The following EXOC6B variants were observed in gnomAD, a reference collection of about 807,000 sequenced individuals.
EXOC6B encodes the protein exocyst complex component 6B, also known as SEC15 homolog B.
A neutral mutation model predicts 113.5 loss-of-function variants in EXOC6B; 54 were observed. That is an observed-to-expected ratio of 0.48 (90% CI 0.38 to 0.60). The LOEUF is 0.60. Ranked by LOEUF, EXOC6B falls within the 20% of genes least tolerant of loss-of-function variation. EXOC6B has a pLI of 0.00. For synonymous variants in EXOC6B, 357 were observed against 339.0 expected (o/e 1.05, Z -0.58); for missense variants, 797 against 977.5 (o/e 0.82, Z 2.46).
intron 1 of EXOC6B, among the ~76,000 whole-genome samples, chr2:72,741,680 T>C (rs1201860483): frequency 1.3e-5 from 2 of 152,234 alleles, no homozygotes; most frequent in African/African-American, 4.8e-5. Flanking sequence ...CTGACAGTAT[T>C]TGTCACAAAA....
intron 19 of EXOC6B, among the ~76,000 whole-genome samples, chr2:72,360,478 TA>T (rs35612810): frequency 0.11 from 17,345 of 152,160 alleles, 1,048 homozygotes; most frequent in African/African-American, 0.16. Flanking sequence ...ATAATTAAGG[TA>T]TTATCTTAAG....
chr2:72,574,009 G>T (rs924242314), intron 7 of EXOC6B, among the ~76,000 whole-genome samples: 7 of 151,780 alleles, frequency 4.6e-5, no homozygotes, highest in African/African-American at 1.7e-4. Context: ...CCAGTTTCTG[G>T]GTAGGCTGAG....
intron 6 of EXOC6B, among the ~76,000 whole-genome samples, chr2:72,632,808 A>G (rs1055934393): frequency 5.3e-5 from 8 of 152,226 alleles, no homozygotes; most frequent in African/African-American, 1.9e-4. Flanking sequence ...CAGCCTCCCA[A>G]ATAGCTGGGA....
At chr2:72,735,162 G>T (rs554220280) in intron 2 of EXOC6B, among the ~76,000 whole-genome samples, 1 of 152,210 alleles carries the variant, frequency 6.6e-6, no homozygotes, top group South Asian at 2.1e-4. Flanking sequence ...TAAACTGGAG[G>T]TCTCCTAAAA....
intron 20 of EXOC6B, among the ~76,000 whole-genome samples, chr2:72,234,889 CA>C (rs918904813): frequency 3.4e-5 from 5 of 148,872 alleles, no homozygotes; most frequent in Non-Finnish European, 7.5e-5. Context: ...AAGTAAAAAA[CA>C]AAAAAAAACA....
chr2:72,207,890 T>G (rs1421665413), intron 20 of EXOC6B, among the ~76,000 whole-genome samples: 1 of 152,156 alleles, frequency 6.6e-6, no homozygotes, highest in East Asian at 1.9e-4. Context: ...TGGAACACCT[T>G]AGAAGGAGAG....
intron 6 of EXOC6B, among the ~76,000 whole-genome samples, chr2:72,623,418 G>A (rs1269571089): frequency 1.3e-5 from 2 of 152,142 alleles, no homozygotes; most frequent in Non-Finnish European, 1.5e-5. Context: ...AATGCTATAT[G>A]AGTAAGTACA....
intron 18 of EXOC6B, among the ~76,000 whole-genome samples, chr2:72,440,581 G>A (rs1327203397): frequency 6.6e-6 from 1 of 152,108 alleles, no homozygotes; most frequent in Non-Finnish European, 1.5e-5. Flanking sequence ...AAAATACACT[G>A]AAGTACACAG....
At chr2:72,271,619 A>G (rs1020140293) in intron 20 of EXOC6B, among the ~76,000 whole-genome samples, 3 of 152,098 alleles carry the variant, frequency 2.0e-5, no homozygotes, top group Non-Finnish European at 4.4e-5. Context: ...TTAGGGAAAA[A>G]AAAAACCCTT....
intron 11 of EXOC6B, among the ~76,000 whole-genome samples, chr2:72,511,309 G>A (rs112144203): frequency 0.031 from 4,643 of 151,956 alleles, 259 homozygotes; most frequent in African/African-American, 0.1. Flanking sequence ...TCATCTCCCC[G>A]CTCCAAACTA....
intron 18 of EXOC6B, among the ~76,000 whole-genome samples, chr2:72,458,085 C>T (rs115293567): frequency 2.1e-3 from 318 of 152,188 alleles, no homozygotes; most frequent in African/African-American, 7.2e-3. Context: ...GAGAACAAGA[C>T]AGAATTTGCC....
At chr2:72,401,667 GTATATATA>G (rs1244443202) in intron 18 of EXOC6B, among the ~76,000 whole-genome samples, 2 of 24,086 alleles carry the variant, frequency 8.3e-5, no homozygotes, top group African/African-American at 6.2e-4. Context: ...ATATATATAT[GTATATATA>G]TATATATATA....
Position 72,500,772 on chromosome 2 carries a change from G to C in EXOC6B, c.1168-800C>G, listed in dbSNP as rs115332898. On this transcript the variant is annotated intron_variant, in intron 11 of 21. Transcript: ENST00000272427. ...ATTATTGTAAAAATTCATTGATTTTGAGATTCAAATTCTTTAATTATAATT... is the reference window on the plus strand; with the variant it reads ...ATTATTGTAAAAATTCATTGATTTTCAGATTCAAATTCTTTAATTATAATT... 5.3e-3 allele frequency among the ~76,000 whole-genome samples: 808 copies of C among 152,202 alleles called. 12 individuals are homozygous for C. The highest frequency in any genetic ancestry group is 0.018 in the African/African-American group (762 of 41,560).
intron 6 of EXOC6B, among the ~76,000 whole-genome samples, chr2:72,716,506 T>C (rs994054073): frequency 2.6e-5 from 4 of 152,194 alleles, no homozygotes; most frequent in African/African-American, 9.6e-5. Context: ...AAATATTTTA[T>C]AGGAGAAATG....
intron 18 of EXOC6B, among the ~76,000 whole-genome samples, chr2:72,382,127 A>G (rs900872279): frequency 1.3e-4 from 20 of 152,204 alleles, no homozygotes; most frequent in African/African-American, 4.8e-4. Flanking sequence ...GAAAAGTCAC[A>G]TCATAAAAGA....
intron 6 of EXOC6B, among the ~76,000 whole-genome samples, chr2:72,591,464 A>G (rs886708458): frequency 2.0e-5 from 3 of 152,160 alleles, no homozygotes; most frequent in Admixed American, 6.5e-5. Context: ...AAACAATATT[A>G]CCAAAAGCAG....
At chr2:72,775,378 C>T in intron 1 of EXOC6B, among the ~76,000 whole-genome samples, 1 of 152,160 alleles carries the variant, frequency 6.6e-6, no homozygotes, top group Non-Finnish European at 1.5e-5. Context: ...TTGAAAGGAG[C>T]TTCTTATGAA....
At chr2:72,286,950 A>ATGC (rs1685471029) in intron 20 of EXOC6B, among the ~76,000 whole-genome samples, 1 of 152,204 alleles carries the variant, frequency 6.6e-6, no homozygotes, top group Non-Finnish European at 1.5e-5. Flanking sequence ...AAAGAAAAAC[A>ATGC]TATCAAGATC....
intron 1 of EXOC6B, among the ~76,000 whole-genome samples, chr2:72,808,632 A>T (rs938197606): frequency 9.2e-5 from 14 of 152,126 alleles, no homozygotes; most frequent in East Asian, 5.8e-4. Flanking sequence ...TTAATTTTTT[A>T]AAATGCTAGG....
Sources: gnomAD v4.1 joint callset for allele counts (sites outside exome capture counted in the v4.1 genomes callset) on GRCh38, gnomAD v4.1.1 for gene constraint, MANE v1.5 for transcripts, NCBI Gene and HGNC (gene_info 2026-07-23, HGNC 2026-07-21) for gene names.